CACNA2D3: variants seen among roughly 807,000 people sequenced by gnomAD.
CACNA2D3 encodes the protein voltage-dependent calcium channel subunit alpha-2/delta-3.
CACNA2D3 carries 60 observed loss-of-function variants against 160.6 expected under a neutral mutation model. The observed-to-expected ratio is 0.37, with a 90% confidence interval of 0.30 to 0.46. The LOEUF is 0.46. Ranked by LOEUF, CACNA2D3 falls within the 20% of genes least tolerant of loss-of-function variation. The probability of loss-of-function intolerance (pLI) is 1.00; values close to 1 mark genes in which losing one functional copy is unlikely to be tolerated. For missense variants in CACNA2D3, 1,205 were observed against 1,365.0 expected (o/e 0.88, Z 1.85); for synonymous variants, 558 against 492.9 (o/e 1.13, Z -1.75).
chr3:54,729,684 A>G (rs1395346164), intron 11 of CACNA2D3, among the ~76,000 whole-genome samples: 1 of 152,064 alleles, frequency 6.6e-6, no homozygotes, highest in Non-Finnish European at 1.5e-5. Context: ...CTAATTGTTA[A>G]TGGTACTCTA....
intron 5 of CACNA2D3, among the ~76,000 whole-genome samples, chr3:54,549,085 A>C (rs963292338): frequency 1.3e-5 from 2 of 152,212 alleles, no homozygotes; most frequent in African/African-American, 4.8e-5. Flanking sequence ...TCATGGTTGC[A>C]TATTGTCTCT....
At chr3:54,501,245 C>T (rs1331508092) in intron 4 of CACNA2D3, among the ~76,000 whole-genome samples, 2 of 152,158 alleles carry the variant, frequency 1.3e-5, no homozygotes, top group East Asian at 1.9e-4. Flanking sequence ...GAGTATTCCA[C>T]ATTCCTCCCT....
intron 10 of CACNA2D3, chr3:54,638,567 T>A (rs948241946): frequency 5.9e-5 from 9 of 151,746 alleles, no homozygotes; most frequent in Non-Finnish European, 1.2e-4. Flanking sequence ...CAGATGGGTC[T>A]GTAGAAAAGG....
chr3:54,736,022 T>TATATATGTATATATATAC (rs1559563474), intron 11 of CACNA2D3, among the ~76,000 whole-genome samples: 1 of 81,570 alleles, frequency 1.2e-5, no homozygotes, highest in African/African-American at 6.3e-5. Context: ...TATATACACA[T>TATATATGTATATATATAC]ACATATATAT....
At chr3:54,197,829 A>C (rs114636917) in intron 2 of CACNA2D3, among the ~76,000 whole-genome samples, 2,246 of 152,224 alleles carry the variant, frequency 0.015, 62 homozygotes, top group African/African-American at 0.05. Flanking sequence ...GGTTTTCTGC[A>C]CGTTCTTTGA....
intron 13 of CACNA2D3, among the ~76,000 whole-genome samples, chr3:54,779,736 C>T (rs1159541732): frequency 1.3e-5 from 2 of 152,222 alleles, no homozygotes; most frequent in African/African-American, 4.8e-5. Context: ...GGCTCTTTCC[C>T]ATGTTCTTTG....
intron 2 of CACNA2D3, among the ~76,000 whole-genome samples, chr3:54,255,944 A>G (rs961157118): frequency 3.3e-5 from 5 of 152,174 alleles, no homozygotes; most frequent in African/African-American, 9.6e-5. Context: ...AAGGTCACAG[A>G]TCCAGTAAGT....
intron 11 of CACNA2D3, among the ~76,000 whole-genome samples, chr3:54,705,537 G>A (rs1171890711): frequency 6.6e-6 from 1 of 152,148 alleles, no homozygotes; most frequent in Non-Finnish European, 1.5e-5. Context: ...CTTCACAGTA[G>A]AAAAATCCAA....
At chr3:54,633,965 G>A (rs1264725474) in intron 10 of CACNA2D3, among the ~76,000 whole-genome samples, 1 of 152,080 alleles carries the variant, frequency 6.6e-6, no homozygotes, top group African/African-American at 2.4e-5. Flanking sequence ...GATTCGAGTT[G>A]GCTTTGCTGT....
chr3:54,868,187 C>T (rs914558885), intron 17 of CACNA2D3, among the ~76,000 whole-genome samples: 4 of 152,158 alleles, frequency 2.6e-5, no homozygotes, highest in African/African-American at 9.7e-5. Context: ...ACTGACTTTT[C>T]CTTTTCTCAC....
intron 5 of CACNA2D3, among the ~76,000 whole-genome samples, chr3:54,549,564 C>T (rs1052870477): frequency 5.3e-5 from 8 of 152,196 alleles, no homozygotes; most frequent in African/African-American, 1.7e-4. Flanking sequence ...TCTGGGCCCA[C>T]GGAAGCCGTG....
chr3:54,254,595 A>T (rs754502816), intron 2 of CACNA2D3, among the ~76,000 whole-genome samples: 1 of 152,220 alleles, frequency 6.6e-6, no homozygotes, highest in Non-Finnish European at 1.5e-5. Context: ...TGGAGATGAT[A>T]ATAATGCCTA....
intron 14 of CACNA2D3, among the ~76,000 whole-genome samples, chr3:54,826,987 T>A (rs1305891011): frequency 3.9e-5 from 6 of 152,218 alleles, no homozygotes; most frequent in Admixed American, 3.3e-4. Context: ...TATAATTCAT[T>A]TAATGCCTCC....
chr3:54,323,939 A>G (rs9814437), intron 3 of CACNA2D3, among the ~76,000 whole-genome samples: 31,942 of 152,050 alleles, frequency 0.21, 3,603 homozygotes, highest in Middle Eastern at 0.28. Flanking sequence ...CCTAGTGTGA[A>G]TCAGTGGTGA....
intron 13 of CACNA2D3, among the ~76,000 whole-genome samples, chr3:54,785,518 A>T (rs1183517409): frequency 1.3e-5 from 2 of 152,164 alleles, no homozygotes; most frequent in East Asian, 3.9e-4. Flanking sequence ...CAGATCTCTT[A>T]TGTTTAGTCT....
At chr3:54,166,335 C>G (rs1700454467) in intron 2 of CACNA2D3, among the ~76,000 whole-genome samples, 1 of 152,178 alleles carries the variant, frequency 6.6e-6, no homozygotes, top group Admixed American at 6.5e-5. Flanking sequence ...TTATAATGCT[C>G]CTTGCTGAAT....
chr3:54,386,717 T>A lies in CACNA2D3; in HGVS notation c.324T>A (p.Arg108=). The A allele has an allele frequency of 2.0e-6, 3 of 1,497,214 alleles. No homozygotes were observed. The highest frequency in any genetic ancestry group is 2.7e-6 in the Non-Finnish European group (3 of 1,108,764). 92.7% of individuals were successfully genotyped at this position (1,497,214 alleles called of 1,614,324 possible). A position where few individuals can be genotyped will look rare whatever the true frequency, so the allele number is the denominator to read the frequency against. Reference sequence around the variant, plus strand: ...CTGTTTTTTTTTTTTTTTTTTAGCGTCTGGTGGAGGCTGCAGAAGAAGCAC... The same window carrying A: ...CTGTTTTTTTTTTTTTTTTTTAGCGACTGGTGGAGGCTGCAGAAGAAGCAC... ...MFHKKSEAVR[R]LVEAAEEAHL... The change falls in exon 4 of 38, where the codon CGT becomes CGA. Residue 108 remains arginine, a splice_region_variant and synonymous_variant. Coordinates refer to ENST00000474759, the MANE Select transcript of CACNA2D3 (RefSeq NM_018398.3).
chr3:54,867,987 G>A (rs1490700217), intron 17 of CACNA2D3, among the ~76,000 whole-genome samples: 4 of 152,180 alleles, frequency 2.6e-5, no homozygotes, highest in South Asian at 2.1e-4. Flanking sequence ...CAGGAAAACC[G>A]AGGTGATTAA....
chr3:54,706,461 A>G (rs1053004969), intron 11 of CACNA2D3, among the ~76,000 whole-genome samples: 6 of 152,206 alleles, frequency 3.9e-5, no homozygotes, highest in Admixed American at 3.9e-4. Context: ...TTAGAATGCA[A>G]GTGGATGGCT....
Sources: gnomAD v4.1 joint callset for allele counts (sites outside exome capture counted in the v4.1 genomes callset) on GRCh38, gnomAD v4.1.1 for gene constraint, MANE v1.5 for transcripts, NCBI Gene and HGNC (gene_info 2026-07-23, HGNC 2026-07-21) for gene names.